CLASP1: variants seen among roughly 807,000 people sequenced by gnomAD.
CLASP1 encodes CLIP-associating protein 1.
A neutral mutation model predicts 192.3 loss-of-function variants in CLASP1; 38 were observed. That is an observed-to-expected ratio of 0.20 (90% CI 0.15 to 0.26). The LOEUF (loss-of-function observed/expected upper bound fraction) is 0.26. CLASP1 is among the 10% of genes least tolerant of loss of function. The probability of loss-of-function intolerance (pLI) is 1.00; values close to 1 mark genes in which losing one functional copy is unlikely to be tolerated. For synonymous variants in CLASP1, 691 were observed against 712.8 expected, an observed-to-expected ratio of 0.97 and a Z score of 0.49; for missense variants, 1,433 against 1,932.5, an observed-to-expected ratio of 0.74 and a Z score of 4.85.
intron 14 of CLASP1, among the ~76,000 whole-genome samples, chr2:121,454,669 T>C (rs894194942): frequency 6.6e-6 from 1 of 152,214 alleles, no homozygotes; most frequent in African/African-American, 2.4e-5. Flanking sequence ...AAATCTGTTG[T>C]TCATGCCATC....
At chr2:121,409,110 G>A in intron 24 of CLASP1, 1 of 1,361,882 alleles carries the variant, frequency 7.3e-7, no homozygotes, top group African/African-American at 1.5e-5. Context: ...AGAAGCATAT[G>A]TAGGGATTGT....
At chr2:121,407,888 T>C (rs753277242) in intron 24 of CLASP1, 173 bp from the exon 26 acceptor site, 48 of 843,606 alleles carry the variant, frequency 5.7e-5, no homozygotes, top group Non-Finnish European at 8.3e-5. Context: ...AAAGCAGTTT[T>C]CCATTAGGTA....
chr2:121,584,327 G>C (rs1200645541), intron 2 of CLASP1, among the ~76,000 whole-genome samples: 1 of 152,172 alleles, frequency 6.6e-6, no homozygotes, highest in Admixed American at 6.5e-5. Context: ...CGTTCTCTAT[G>C]ATCAGTTTTA....
chr2:121,560,760 TTC>T (rs2059008565), intron 2 of CLASP1, among the ~76,000 whole-genome samples: 1 of 152,216 alleles, frequency 6.6e-6, no homozygotes, highest in African/African-American at 2.4e-5. Flanking sequence ...TTTCACAATT[TTC>T]TTTTTGTTTT....
chr2:121,474,129 G>A (rs2091244032), intron 8 of CLASP1, among the ~76,000 whole-genome samples: 1 of 151,748 alleles, frequency 6.6e-6, no homozygotes, highest in South Asian at 2.1e-4. Flanking sequence ...ACTGTTTAAA[G>A]CAAAAATATT....
intron 7 of CLASP1, among the ~76,000 whole-genome samples, chr2:121,511,404 C>T (rs1238108118): frequency 6.6e-6 from 1 of 152,034 alleles, no homozygotes; most frequent in Non-Finnish European, 1.5e-5. Flanking sequence ...GCCTAACCAA[C>T]ATGGAGAAAC....
At chr2:121,477,329 T>C (rs2091757090) in intron 8 of CLASP1, among the ~76,000 whole-genome samples, 1 of 152,228 alleles carries the variant, frequency 6.6e-6, no homozygotes, top group Admixed American at 6.5e-5. Context: ...GTGCATATGG[T>C]TTAATTGGAT....
At chr2:121,372,521 A>T (rs1435409908) in intron 34 of CLASP1, among the ~76,000 whole-genome samples, 1 of 152,222 alleles carries the variant, frequency 6.6e-6, no homozygotes, top group African/African-American at 2.4e-5. Flanking sequence ...ATATTCCATA[A>T]TTCCTGCAAT....
chr2:121,418,901 A>G (rs1281847887), intron 22 of CLASP1, among the ~76,000 whole-genome samples, 172 bp from the exon 23 acceptor site: 1 of 152,178 alleles, frequency 6.6e-6, no homozygotes, highest in Admixed American at 6.6e-5. Context: ...TGACGTGCCA[A>G]CGGGGGAGGG....
chr2:121,649,066 C>T (rs550767310), intron 1 of CLASP1, among the ~76,000 whole-genome samples: 1 of 152,252 alleles, frequency 6.6e-6, no homozygotes, highest in Non-Finnish European at 1.5e-5. Flanking sequence ...GAAGGGGGCC[C>T]GGGTGGGGTC....
At position 121,649,096 on chromosome 2, in the gene CLASP1, G is replaced by A. The variant is rs548547182; in HGVS notation, c.-286+276C>T. ...GGGGTCTGGAAAAGGGAAACAGAGAGGGGCACACAAAGCCCGACTGACCCC... is the reference window on the plus strand; with the variant it reads ...GGGGTCTGGAAAAGGGAAACAGAGAAGGGCACACAAAGCCCGACTGACCCC... On this transcript the variant is annotated intron_variant, in intron 1 of 39. Coordinates refer to ENST00000263710, the Ensembl canonical transcript of CLASP1. Among the ~76,000 whole-genome samples, 3 of 152,284 alleles carry A rather than the reference G, an allele frequency of 2.0e-5. 1 individual carries two copies. The highest frequency in any genetic ancestry group is 7.2e-5 in the African/African-American group (3 of 41,566).
chr2:121,628,506 T>C (rs1341747688), intron 1 of CLASP1, among the ~76,000 whole-genome samples: 1 of 151,836 alleles, frequency 6.6e-6, no homozygotes, highest in African/African-American at 2.4e-5. Context: ...TGAAACCCCA[T>C]CTCTACTAAA....
At chr2:121,582,727 T>C (rs192897570) in intron 2 of CLASP1, among the ~76,000 whole-genome samples, 10 of 152,082 alleles carry the variant, frequency 6.6e-5, no homozygotes, top group African/African-American at 2.4e-4. Flanking sequence ...AAAATGCTAG[T>C]CCACCTAAAA....
At chr2:121,397,373 G>T in intron 29 of CLASP1, 90 bp from the exon 31 acceptor site, 1 of 1,089,074 alleles carries the variant, frequency 9.2e-7, no homozygotes, top group Non-Finnish European at 1.3e-6. Flanking sequence ...AGTAAACCCT[G>T]GTGAGGGGGA....
chr2:121,544,907 C>CTTT (rs3078562), intron 2 of CLASP1, among the ~76,000 whole-genome samples: 17 of 122,890 alleles, frequency 1.4e-4, no homozygotes, highest in East Asian at 2.3e-4. Flanking sequence ...CTTTTCTTTT[C>CTTT]TTTTTTTTTT....
intron 5 of CLASP1, among the ~76,000 whole-genome samples, chr2:121,526,661 A>G (rs2094582498): frequency 6.6e-6 from 1 of 152,214 alleles, no homozygotes; most frequent in South Asian, 2.1e-4. Flanking sequence ...TAATATAAAC[A>G]TTATAATCTC....
intron 2 of CLASP1, among the ~76,000 whole-genome samples, chr2:121,553,205 G>A (rs2058201945): frequency 6.6e-6 from 1 of 152,158 alleles, no homozygotes; most frequent in Non-Finnish European, 1.5e-5. Flanking sequence ...TGGAGGGTGG[G>A]AGGAGGGAGA....
chr2:121,598,658 T>C (rs1020347986), intron 2 of CLASP1, among the ~76,000 whole-genome samples: 4 of 152,330 alleles, frequency 2.6e-5, no homozygotes, highest in Admixed American at 6.5e-5. Context: ...AGTTACTTCC[T>C]GTATAAAAAT....
intron 37 of CLASP1, among the ~76,000 whole-genome samples, chr2:121,351,737 G>T (rs559906582): frequency 6.6e-6 from 1 of 152,292 alleles, no homozygotes; most frequent in Non-Finnish European, 1.5e-5. Flanking sequence ...GTGGAGCTCC[G>T]GATCAGCATG....
Sources: allele counts gnomAD v4.1 joint callset (sites outside exome capture counted in the v4.1 genomes callset), GRCh38; gene constraint gnomAD v4.1.1; transcripts MANE v1.5; gene names NCBI Gene and HGNC (gene_info 2026-07-23, HGNC 2026-07-21).